The following CNTNAP5 variants were observed in gnomAD, a reference collection of about 807,000 sequenced individuals.
The protein encoded by CNTNAP5 is contactin-associated protein-like 5.
A neutral mutation model predicts 150.2 loss-of-function variants in CNTNAP5; 72 were observed. The ratio of observed to expected loss-of-function variants is 0.48; its 90% CI spans 0.40 to 0.58. The LOEUF (loss-of-function observed/expected upper bound fraction) is 0.58, where lower values mean the gene tolerates loss of function less well. CNTNAP5 is among the 20% of genes least tolerant of loss of function. The probability of loss-of-function intolerance (pLI) is 0.00; values close to 1 mark genes in which losing one functional copy is unlikely to be tolerated. For missense variants in CNTNAP5, 1,636 were observed against 1,626.2 expected (o/e 1.01, Z -0.10); for synonymous variants, 672 against 619.8 (o/e 1.08, Z -1.25).
chr2:124,913,406 AG>A (rs2104770686), intron 23 of CNTNAP5, among the ~76,000 whole-genome samples: 1 of 152,144 alleles, frequency 6.6e-6, no homozygotes, highest in South Asian at 2.1e-4. Flanking sequence ...AACATAATCC[AG>A]TTAAATCACA....
intron 1 of CNTNAP5, among the ~76,000 whole-genome samples, chr2:124,197,765 A>G (rs1384810671): frequency 6.6e-6 from 1 of 152,088 alleles, no homozygotes; most frequent in Non-Finnish European, 1.5e-5. Flanking sequence ...GCGGATCACA[A>G]GGTCAGGAGA....
chr2:124,372,257 AG>A (rs1159876654), intron 3 of CNTNAP5, among the ~76,000 whole-genome samples: 3 of 151,970 alleles, frequency 2.0e-5, no homozygotes, highest in Admixed American at 6.6e-5. Context: ...TTAGTCCTTC[AG>A]CCTCATACTG....
intron 6 of CNTNAP5, among the ~76,000 whole-genome samples, chr2:124,452,712 CA>C (rs986963749): frequency 6.6e-6 from 1 of 152,152 alleles, no homozygotes; most frequent in African/African-American, 2.4e-5. Flanking sequence ...TCTGTGTAGT[CA>C]ACCCGCAGTA....
intron 1 of CNTNAP5, among the ~76,000 whole-genome samples, chr2:124,119,145 A>G (rs1438223529): frequency 6.6e-6 from 1 of 152,114 alleles, no homozygotes; most frequent in Non-Finnish European, 1.5e-5. Context: ...AGTTCTAATG[A>G]ATTCTATCCC....
chr2:124,138,394 G>A (rs1684027515), intron 1 of CNTNAP5, among the ~76,000 whole-genome samples: 3 of 152,208 alleles, frequency 2.0e-5, no homozygotes. Flanking sequence ...TGACAATACT[G>A]TCTGAGGGAG....
At chr2:124,745,008 A>G (rs746531237) in intron 13 of CNTNAP5, among the ~76,000 whole-genome samples, 3 of 152,196 alleles carry the variant, frequency 2.0e-5, no homozygotes, top group Non-Finnish European at 4.4e-5. Context: ...TTCAACTTTT[A>G]AACTTCTCAA....
At chr2:124,693,922 C>T (rs994584695) in intron 13 of CNTNAP5, among the ~76,000 whole-genome samples, 4 of 151,356 alleles carry the variant, frequency 2.6e-5, no homozygotes. Context: ...TGACAAGGGG[C>T]AGTGAGCTTT....
intron 12 of CNTNAP5, among the ~76,000 whole-genome samples, chr2:124,625,075 C>T (rs987071352): frequency 1.3e-5 from 2 of 152,156 alleles, no homozygotes; most frequent in African/African-American, 4.8e-5. Flanking sequence ...GTGACACAGT[C>T]TCTGAAACAG....
At chr2:124,035,404 T>TTCTA (rs1352617339) in intron 1 of CNTNAP5, among the ~76,000 whole-genome samples, 2 of 151,348 alleles carry the variant, frequency 1.3e-5, no homozygotes, top group African/African-American at 4.9e-5. Flanking sequence ...CTCCTTTCCT[T>TTCTA]TCTATCTTCT....
At chr2:124,397,248 T>C (rs1691274578) in intron 3 of CNTNAP5, among the ~76,000 whole-genome samples, 1 of 152,158 alleles carries the variant, frequency 6.6e-6, no homozygotes, top group Non-Finnish European at 1.5e-5. Flanking sequence ...CTATAACAAA[T>C]GTACAATAGA....
At chr2:124,133,664 C>T (rs959584867) in intron 1 of CNTNAP5, among the ~76,000 whole-genome samples, 54 of 152,156 alleles carry the variant, frequency 3.5e-4, no homozygotes, top group East Asian at 1.2e-3. Context: ...TGTGGAGCAC[C>T]AGTAGTGCTT....
intron 19 of CNTNAP5, among the ~76,000 whole-genome samples, chr2:124,837,336 A>G (rs965742601): frequency 1.3e-5 from 2 of 152,160 alleles, no homozygotes; most frequent in African/African-American, 4.8e-5. Context: ...AATCTTGACT[A>G]TGAGAAATCC....
At chr2:124,333,450 G>A (rs1689397697) in intron 3 of CNTNAP5, among the ~76,000 whole-genome samples, 1 of 152,132 alleles carries the variant, frequency 6.6e-6, no homozygotes, top group East Asian at 1.9e-4. Flanking sequence ...TCAGCACAGA[G>A]AAAGAACATA....
At chr2:124,190,715 C>T (rs1685439468) in intron 1 of CNTNAP5, among the ~76,000 whole-genome samples, 1 of 152,100 alleles carries the variant, frequency 6.6e-6, no homozygotes, top group Non-Finnish European at 1.5e-5. Context: ...ATGTCTATGT[C>T]ATTGATAAGA....
chr2:124,214,521 G>A (rs1686107166), intron 1 of CNTNAP5, among the ~76,000 whole-genome samples: 1 of 152,146 alleles, frequency 6.6e-6, no homozygotes, highest in Non-Finnish European at 1.5e-5. Context: ...TTGACACCTA[G>A]TATGTGCTCA....
At chr2:124,557,481 C>T (rs951675932) in intron 10 of CNTNAP5, among the ~76,000 whole-genome samples, 3 of 152,126 alleles carry the variant, frequency 2.0e-5, no homozygotes, top group Non-Finnish European at 4.4e-5. Flanking sequence ...AGGGCTGCAC[C>T]CCAGAAATGC....
intron 3 of CNTNAP5, among the ~76,000 whole-genome samples, chr2:124,343,778 T>C (rs1689673578): frequency 6.6e-6 from 1 of 152,200 alleles, no homozygotes; most frequent in African/African-American, 2.4e-5. Context: ...TATCACAAAA[T>C]ATCTAAGGCT....
intron 3 of CNTNAP5, among the ~76,000 whole-genome samples, chr2:124,254,287 T>C (rs1013846939): frequency 6.6e-6 from 1 of 152,138 alleles, no homozygotes; most frequent in African/African-American, 2.4e-5. Flanking sequence ...CAAATGTAAA[T>C]GTATCTTCAA....
intron 1 of CNTNAP5, among the ~76,000 whole-genome samples, chr2:124,103,930 T>G (rs1683116793): frequency 6.8e-6 from 1 of 147,588 alleles, no homozygotes; most frequent in African/African-American, 2.5e-5. Flanking sequence ...AGATTATATA[T>G]TATATAATTT....
Sources: gnomAD v4.1 joint callset for allele counts (sites outside exome capture counted in the v4.1 genomes callset) on GRCh38, gnomAD v4.1.1 for gene constraint, MANE v1.5 for transcripts, NCBI Gene and HGNC (gene_info 2026-07-23, HGNC 2026-07-21) for gene names.